Variants in LRRC66 observed in about 807,000 individuals in gnomAD.
LRRC66 encodes the protein leucine-rich repeat-containing protein 66.
Under a neutral mutation model 24.6 loss-of-function variants are expected in LRRC66, and 29 were observed. The ratio of observed to expected loss-of-function variants is 1.18; its 90% CI spans 0.88 to 1.61. LRRC66 has a LOEUF of 1.61. Ranked by LOEUF, LRRC66 falls within the 40% of genes most tolerant of loss-of-function variation. LRRC66 has a pLI of 0.00. For synonymous variants in LRRC66, 411 were observed against 397.6 expected (o/e 1.03, Z -0.40); for missense variants, 1,124 against 1,058.0 (o/e 1.06, Z -0.87).
At position 51,995,250 on chromosome 4, in the gene LRRC66, A is replaced by G. The variant is rs747819822; in HGVS notation, c.1772T>C (p.Met591Thr). The G allele has an allele frequency of 1.9e-6, 3 of 1,613,962 alleles. No individual in the cohort carries two copies. In the African/African-American group the frequency reaches 4.0e-5, roughly 22 times the overall value. The change falls in exon 5 of 5, where the codon ATG becomes ACG. Residue 591 changes from methionine (M) to threonine (T), a missense_variant. By Grantham distance (81) the Met-to-Thr change is moderately conservative. Coordinates refer to ENST00000682860, the MANE Select transcript of LRRC66 (RefSeq NM_001024611.3). ...CCTCTGTGCTTCTGCATGTGTTAGC[A>G]TTTTACAGAGGGAAGCTGTTATTTC... ...SGEITASLCK[M>T]LTHAEAQRTG...
chr4:52,010,002 T>A (rs1011001377), intron 2 of LRRC66, among the ~76,000 whole-genome samples: 3 of 152,124 alleles, frequency 2.0e-5, no homozygotes, highest in Admixed American at 6.5e-5. Context: ...CAAAATGGAA[T>A]TCATCCCACG....
In LRRC66 at chr4:51,995,778, C is replaced by A; in HGVS notation, c.1244G>T (p.Gly415Val). 1.2e-6 allele frequency: 2 copies of A among 1,614,140 alleles called. No homozygotes were observed. Among genetic ancestry groups the A allele is most frequent in the Non-Finnish European group, 8.5e-7 (1 of 1,180,014 alleles). ...WQKKCQSKSPGLDNAYSNEGF... is the reference protein window; with the variant it reads ...WQKKCQSKSPVLDNAYSNEGF... ...CTCGTTTGAATACGCGTTGTCCAGG[C>A]CAGGGCTTTTGCTCTGGCACTTTTT... Residue 415 changes from glycine (G) to valine (V), a missense_variant, in exon 5 of 5, where the codon GGC (glycine) becomes GTC (valine). Gly to Val is a moderately radical substitution (Grantham distance 109). Transcript: ENST00000682860.
In LRRC66 at chr4:52,017,444, T is replaced by C. The variant is rs1333545494; in HGVS notation, c.170A>G (p.Asp57Gly). 5.0e-6 allele frequency: 8 copies of C among 1,613,678 alleles called. No individual in the cohort carries two copies. Among genetic ancestry groups the C allele is most frequent in the Middle Eastern group, 1.6e-4 (1 of 6,084 alleles). Residue 57 changes from aspartate to glycine, a missense_variant, in exon 2 of 5, where the codon GAC becomes GGC. Asp to Gly is a moderately conservative substitution (Grantham distance 94, BLOSUM62 -1). Transcript: ENST00000682860. ...CACAGTGGCTGCTGTCTGTGATATG[T>C]CCACAGGTATATCACACTTTCCGGT... ...SFTGKCDIPV[D>G]ISQTAATVDV...
chr4:51,997,690 G>A (rs750878865), intron 4 of LRRC66, 58 bp downstream of exon 4: 11 of 1,470,052 alleles, frequency 7.5e-6, no homozygotes, highest in Non-Finnish European at 1.0e-5. Flanking sequence ...AGACTAAAAT[G>A]TCTATGTGCA....
rs528374141 is a variant in LRRC66, at chr4:52,007,921, C to A, written c.497-4529G>T. On this transcript the variant is annotated intron_variant, in intron 2 of 4. Coordinates refer to ENST00000682860, the MANE Select transcript of LRRC66 (RefSeq NM_001024611.3). ...TAACTTTCAAGATAATAGGGACGAG[C>A]CCTTGAGGAATAACAACTAACTATG... 1.4e-4 allele frequency among the ~76,000 whole-genome samples: 22 copies of A among 152,142 alleles called. No homozygotes were observed. In the South Asian group the frequency reaches 4.2e-3, roughly 29 times the overall value.
intron 3 of LRRC66, among the ~76,000 whole-genome samples, 187 bp downstream of exon 3, chr4:52,003,036 T>C (rs1459236529): frequency 1.3e-5 from 2 of 152,250 alleles, no homozygotes; most frequent in Non-Finnish European, 2.9e-5. Flanking sequence ...TGTCCCTTAT[T>C]GTGGCCTTTG....
chr4:51,994,669 T>C lies in LRRC66; in HGVS notation c.2353A>G (p.Met785Val). The C allele has an allele frequency of 1.2e-6, 2 of 1,614,190 alleles. No individual in the cohort carries two copies. The highest frequency in any genetic ancestry group is 1.6e-4 in the Middle Eastern group (1 of 6,062). ...KPLISAPDSG[M>V]YKTHLENASD... Reference sequence around the variant, plus strand: ...GCATTTTCCAGATGAGTCTTGTACATGCCAGAGTCTGGAGCAGAAATGAGA... The same window carrying C: ...GCATTTTCCAGATGAGTCTTGTACACGCCAGAGTCTGGAGCAGAAATGAGA... The change falls in exon 5 of 5, where the codon ATG becomes GTG. Residue 785 changes from methionine to valine, a missense_variant. By Grantham distance (21) the Met-to-Val change is conservative (BLOSUM62 1). Transcript: ENST00000682860.
chr4:52,012,809 A>G (rs1736731162), intron 2 of LRRC66, among the ~76,000 whole-genome samples: 1 of 152,220 alleles, frequency 6.6e-6, no homozygotes, highest in South Asian at 2.1e-4. Flanking sequence ...TTTGCATTTA[A>G]GTGGCCAGAG....
rs1736233697 is a variant in LRRC66, at chr4:51,994,256, C to T, written c.*123G>A. Reference sequence around the variant, plus strand: ...ACAAAACCCTCATTTGCATCAGTGTCCACTTGGTTGGAATTCATGTTGTCT... The same window carrying T: ...ACAAAACCCTCATTTGCATCAGTGTTCACTTGGTTGGAATTCATGTTGTCT... On this transcript the variant is annotated 3_prime_UTR_variant, in exon 5 of 5. Coordinates refer to ENST00000682860, the MANE Select transcript of LRRC66 (RefSeq NM_001024611.3). 3.3e-6 allele frequency: 3 copies of T among 915,428 alleles called. No individual in the cohort carries two copies. Among genetic ancestry groups the T allele is most frequent in the East Asian group, 5.3e-5 (2 of 38,054 alleles). 56.7% of individuals were successfully genotyped at this position (915,428 alleles called of 1,614,324 possible). A position where few individuals can be genotyped will look rare whatever the true frequency, so the allele number is the denominator to read the frequency against.
At chr4:51,996,410 G>C (rs1173705507) in intron 4 of LRRC66, among the ~76,000 whole-genome samples, 1 of 151,856 alleles carries the variant, frequency 6.6e-6, no homozygotes, top group Non-Finnish European at 1.5e-5. Context: ...CCACGCCTGG[G>C]CTGCTTTTTT....
rs548743746 is a variant in LRRC66 at position 51,995,495 on chromosome 4, G to T, written c.1527C>A (p.Leu509=). 5 of 1,614,148 alleles carry T rather than the reference G, an allele frequency of 3.1e-6. No individual in the cohort carries two copies. In the Admixed American group the frequency reaches 8.3e-5, roughly 27 times the overall value. ...GGTTACCGGCATGTGGATGTCTCTG[G>T]AGAATGGAATAGACTGCACCATCAT... is the stretch of plus-strand genomic sequence containing the variant. ...SGNDGAVYSI[L]QRHPHAGNRE... The change falls in exon 5 of 5, where the codon CTC becomes CTA. Residue 509 remains leucine, a synonymous_variant. Coordinates refer to ENST00000682860, the MANE Select transcript of LRRC66 (RefSeq NM_001024611.3).
At chr4:52,010,322 T>A (rs1288014849) in intron 2 of LRRC66, among the ~76,000 whole-genome samples, 1 of 152,234 alleles carries the variant, frequency 6.6e-6, no homozygotes, top group Non-Finnish European at 1.5e-5. Flanking sequence ...TCTTATTTTT[T>A]AAAATAATGT....
At chr4:52,005,624 C>A (rs1736562461) in intron 2 of LRRC66, among the ~76,000 whole-genome samples, 1 of 126,778 alleles carries the variant, frequency 7.9e-6, no homozygotes, top group African/African-American at 2.6e-5. Flanking sequence ...AACAGGAAAA[C>A]AAAGGATAGG....
At chr4:52,007,079 T>C (rs991347913) in intron 2 of LRRC66, among the ~76,000 whole-genome samples, 1 of 152,114 alleles carries the variant, frequency 6.6e-6, no homozygotes. Context: ...AATTGCCAGA[T>C]GTATTGGGAG....
At chr4:52,011,627 A>C (rs1000905614) in intron 2 of LRRC66, among the ~76,000 whole-genome samples, 2 of 152,218 alleles carry the variant, frequency 1.3e-5, no homozygotes, top group Non-Finnish European at 2.9e-5. Flanking sequence ...ATAGAATTAA[A>C]GACTCAGGAC....
chr4:52,017,274 A>C lies in LRRC66; in HGVS notation c.340T>G (p.Leu114Val), dbSNP rs201555634. ...PFAYLHALEV[L>V]NLSNNAIHSL... ...TGGATGGCATTGTTGCTGAGGTTTAACACTTCCAAAGCATGTAAATATGCA... is the reference window on the plus strand; with the variant it reads ...TGGATGGCATTGTTGCTGAGGTTTACCACTTCCAAAGCATGTAAATATGCA... The change falls in exon 2 of 5, where the codon TTA (leucine) becomes GTA (valine). Residue 114 changes from leucine to valine, a missense_variant. Physicochemically the swap from Leu to Val is conservative, Grantham distance 32. Transcript: ENST00000682860. 715 of 1,614,054 alleles carry C rather than the reference A, an allele frequency of 4.4e-4. No homozygotes were observed. The highest frequency in any genetic ancestry group is 6.0e-4 in the Non-Finnish European group (705 of 1,180,024).
At chr4:51,997,564 A>C (rs1382002072) in intron 4 of LRRC66, among the ~76,000 whole-genome samples, 184 bp downstream of exon 4, 1 of 152,232 alleles carries the variant, frequency 6.6e-6, no homozygotes, top group Non-Finnish European at 1.5e-5. Context: ...AAAATAATTG[A>C]TGAACTGAGG....
chr4:52,007,604 T>G (rs745642655), intron 2 of LRRC66, among the ~76,000 whole-genome samples: 37 of 152,230 alleles, frequency 2.4e-4, no homozygotes, highest in Non-Finnish European at 4.6e-4. Flanking sequence ...TACTACGATC[T>G]TCAAGCTTTT....
intron 4 of LRRC66, 93 bp from the exon 5 acceptor site, chr4:51,996,258 A>G (rs909810926): frequency 7.1e-6 from 9 of 1,268,802 alleles, no homozygotes; most frequent in South Asian, 1.6e-5. Context: ...AAAAAATTCA[A>G]TTTTTTTGAA....
Sources: gnomAD v4.1 joint callset for allele counts (sites outside exome capture counted in the v4.1 genomes callset) on GRCh38, gnomAD v4.1.1 for gene constraint, MANE v1.5 for transcripts, NCBI Gene and HGNC (gene_info 2026-07-23, HGNC 2026-07-21) for gene names.